The following ABCC5 variants were observed in gnomAD, a reference collection of about 807,000 sequenced individuals.
ABCC5 encodes ATP-binding cassette sub-family C member 5.
Under a neutral mutation model 160.9 loss-of-function variants are expected in ABCC5, and 61 were observed. That is an observed-to-expected ratio of 0.38 (90% CI 0.31 to 0.47). The LOEUF (loss-of-function observed/expected upper bound fraction) is 0.47. ABCC5 is among the 20% of genes least tolerant of loss of function. ABCC5 has a pLI of 0.99. For synonymous variants in ABCC5, 666 were observed against 700.6 expected, an observed-to-expected ratio of 0.95 and a Z score of 0.78; for missense variants, 1,308 against 1,813.3, an observed-to-expected ratio of 0.72 and a Z score of 5.06.
chr3:183,972,770 A>C (rs1168212495), intron 10 of ABCC5, among the ~76,000 whole-genome samples: 1 of 151,960 alleles, frequency 6.6e-6, no homozygotes. Context: ...TCAGCCTCCC[A>C]AGTAGCTGAA....
rs1265378638 is a variant in ABCC5, at chr3:183,987,517, T to G, written c.591+253A>C. On this transcript the variant is annotated intron_variant, in intron 5 of 29. Coordinates refer to ENST00000334444, the MANE Select transcript of ABCC5 (RefSeq NM_005688.4). This position sits in a 1 kb window ranked among gnomAD's most constrained non-coding sequence, Gnocchi z 4.2. Reference sequence around the variant, plus strand: ...CACACAACCGAGAAGCACAGTCCTGTGCAGAACTGGAGTCAGTTCCATTTC... The same window carrying G: ...CACACAACCGAGAAGCACAGTCCTGGGCAGAACTGGAGTCAGTTCCATTTC... 4.8e-6 allele frequency: 3 copies of G among 619,750 alleles called. No homozygotes were observed. Among genetic ancestry groups the G allele is most frequent in the Non-Finnish European group, 8.6e-6 (3 of 347,386 alleles). The allele number at this position is 619,750 out of a possible 1,614,324, so 38.4% of individuals were successfully genotyped here. A position where few individuals can be genotyped will look rare whatever the true frequency, so the allele number is the denominator to read the frequency against.
rs140209547 is a variant in ABCC5 at position 183,974,603 on chromosome 3, C to T, written c.1405-2684G>A. ...GGATTACAGGCGTGAGCCACCATGC[C>T]GGGCCCCCGTTAAATTTAATTCCAG... On this transcript the variant is annotated intron_variant, in intron 10 of 29. Coordinates refer to ENST00000334444, the MANE Select transcript of ABCC5 (RefSeq NM_005688.4). Among the ~76,000 whole-genome samples, 774 of 152,308 alleles carry T rather than the reference C, an allele frequency of 5.1e-3. 11 individuals are homozygous for T. The highest frequency in any genetic ancestry group is 0.017 in the African/African-American group (718 of 41,570).
intron 2 of ABCC5, among the ~76,000 whole-genome samples, chr3:184,007,443 C>T (rs1721319573): frequency 6.6e-6 from 1 of 152,126 alleles, no homozygotes; most frequent in South Asian, 2.1e-4. Context: ...TAAAATAAAG[C>T]TCATAAAAGC....
chr3:183,959,901 C>T, intron 16 of ABCC5, 66 bp from the exon 17 acceptor site: 1 of 1,137,034 alleles, frequency 8.8e-7, no homozygotes, highest in Non-Finnish European at 1.3e-6. Context: ...CCACAGGATA[C>T]ATATTAGGGA....
intron 28 of ABCC5, 139 bp from the exon 29 acceptor site, chr3:183,925,858 A>C: frequency 1.3e-6 from 1 of 773,194 alleles, no homozygotes; most frequent in African/African-American, 2.7e-5. Context: ...TTTTTTTTTG[A>C]GACGGAGTCT....
Position 183,987,663 on chromosome 3 carries a change from T to G in ABCC5, c.591+107A>C. Reference sequence around the variant, plus strand: ...ACAGACCTGAAGGCATCTCTAAGACTGCTACCTAGCCCAAAGCTGAGCACA... The same window carrying G: ...ACAGACCTGAAGGCATCTCTAAGACGGCTACCTAGCCCAAAGCTGAGCACA... On this transcript the variant is annotated intron_variant, in intron 5 of 29. Coordinates refer to ENST00000334444, the MANE Select transcript of ABCC5 (RefSeq NM_005688.4). The surrounding 1 kb of genome is among the most constrained non-coding windows in gnomAD (Gnocchi z 4.2). 3 of 1,508,250 alleles carry G rather than the reference T, an allele frequency of 2.0e-6. No homozygotes were observed. The highest frequency in any genetic ancestry group is 4.8e-5 in the East Asian group (2 of 41,752). 93.4% of individuals were successfully genotyped at this position (1,508,250 alleles called of 1,614,324 possible).
chr3:183,968,797 G>A (rs564298154), intron 11 of ABCC5, among the ~76,000 whole-genome samples: 57 of 152,250 alleles, frequency 3.7e-4, no homozygotes, highest in Middle Eastern at 6.8e-3. Context: ...GAGGCAGATG[G>A]GTCTTTATCT....
intron 12 of ABCC5, among the ~76,000 whole-genome samples, chr3:183,965,927 A>G (rs990973060): frequency 2.6e-5 from 4 of 152,104 alleles, no homozygotes; most frequent in African/African-American, 9.7e-5. Flanking sequence ...TGCTTCTATG[A>G]AATGAGGACC....
At chr3:183,928,893 G>T in intron 26 of ABCC5, 68 bp from the exon 27 acceptor site, 3 of 1,350,546 alleles carry the variant, frequency 2.2e-6, no homozygotes, top group African/African-American at 1.4e-5. Context: ...GGCTGTCTGT[G>T]GAAGATGTTT....
intron 5 of ABCC5, chr3:183,984,370 CACCCTTCT>C (rs1719011612): frequency 2.0e-6 from 2 of 986,462 alleles, no homozygotes; most frequent in South Asian, 9.4e-5. Context: ...GAAGCCCATC[CACCCTTCT>C]ACCCAGGTGC....
At chr3:183,972,558 G>C (rs1717856058) in intron 10 of ABCC5, among the ~76,000 whole-genome samples, 2 of 152,118 alleles carry the variant, frequency 1.3e-5, no homozygotes, top group Non-Finnish European at 1.5e-5. Flanking sequence ...GGAAGTGAAG[G>C]GTATCTCCCT....
At chr3:183,985,272 A>G in intron 5 of ABCC5, 1 of 1,573,654 alleles carries the variant, frequency 6.4e-7, no homozygotes, top group African/African-American at 1.3e-5. Flanking sequence ...CTGGCTGTGG[A>G]AAGCATTCCC....
Position 184,008,862 on chromosome 3 carries a change from A to C in ABCC5, c.129+5402T>G, listed in dbSNP as rs181564169. ...CACCATTTCTTTTCTTTCTTTCTTT[A>C]TTTTTTTTTGGTGAGACAGGGTCTC... is the stretch of plus-strand genomic sequence containing the variant. On this transcript the variant is annotated intron_variant, in intron 2 of 29. Transcript: ENST00000334444. Among the ~76,000 whole-genome samples, 1,487 of 150,632 alleles carry C rather than the reference A, an allele frequency of 9.9e-3. 26 individuals carry two copies. The highest frequency in any genetic ancestry group is 0.034 in the African/African-American group (1,384 of 41,120).
intron 2 of ABCC5, among the ~76,000 whole-genome samples, chr3:184,000,406 C>T (rs761073988): frequency 2.6e-5 from 4 of 151,966 alleles, no homozygotes; most frequent in South Asian, 2.1e-4. Context: ...TAATATATTT[C>T]GAGTAGTGGA....
chr3:184,010,266 CAAAAAAAAAA>C (rs10541470), intron 2 of ABCC5, among the ~76,000 whole-genome samples: 67 of 74,462 alleles, frequency 9.0e-4, no homozygotes, highest in Non-Finnish European at 1.2e-3. Flanking sequence ...GACTTCGTCT[CAAAAAAAAAA>C]AAAAAAAAAA....
At position 183,987,446 on chromosome 3, in the gene ABCC5, G is replaced by A. The variant is rs545253902; in HGVS notation, c.591+324C>T. Reference sequence around the variant, plus strand: ...CACAACGTGCTCTCACCCACTCATAGCACTGCAAGACACATCTGCCTGCAC... The same window carrying A: ...CACAACGTGCTCTCACCCACTCATAACACTGCAAGACACATCTGCCTGCAC... On this transcript the variant is annotated intron_variant, in intron 5 of 29. Coordinates refer to ENST00000334444, the MANE Select transcript of ABCC5 (RefSeq NM_005688.4). The surrounding 1 kb of genome is among the most constrained non-coding windows in gnomAD (Gnocchi z 4.2). The A allele has an allele frequency of 6.4e-5, 37 of 577,980 alleles. No individual in the cohort carries two copies. In the Admixed American group the frequency reaches 1.0e-3, roughly 16 times the overall value. The allele number at this position is 577,980 out of a possible 1,614,324, so 35.8% of individuals were successfully genotyped here.
rs924550051 is a variant in ABCC5, at chr3:183,963,639, C to T, written c.2032-51G>A. ...AGCCTCCAGCGCAAGTCCAGAACAGCGTGGAGGGGTCACCCAGTCACTTCT... is the reference window on the plus strand; with the variant it reads ...AGCCTCCAGCGCAAGTCCAGAACAGTGTGGAGGGGTCACCCAGTCACTTCT... On this transcript the variant is annotated intron_variant, in intron 14 of 29. Coordinates refer to ENST00000334444, the MANE Select transcript of ABCC5 (RefSeq NM_005688.4). The surrounding 1 kb of genome is among the most constrained non-coding windows in gnomAD (Gnocchi z 4.6). The T allele has an allele frequency of 3.2e-6, 5 of 1,576,322 alleles. No homozygotes were observed. Among genetic ancestry groups the T allele is most frequent in the Admixed American group, 3.4e-5 (2 of 58,704 alleles).
At position 184,017,648 on chromosome 3, in the gene ABCC5, C is replaced by A. The variant is rs1460949971; in HGVS notation, c.-56+182G>T. Among the ~76,000 whole-genome samples the A allele has an allele frequency of 6.6e-6, 1 of 152,192 alleles. No individual in the cohort carries two copies. Among genetic ancestry groups the A allele is most frequent in the South Asian group, 2.1e-4 (1 of 4,832 alleles). On this transcript the variant is annotated intron_variant, in intron 1 of 29. Coordinates refer to ENST00000334444, the MANE Select transcript of ABCC5 (RefSeq NM_005688.4). This position sits in a 1 kb window ranked among gnomAD's most constrained non-coding sequence, Gnocchi z 4.5. The stretch of plus-strand genomic sequence containing the variant: ...ACCCCGTCACCAGACCCCGGGCTCA[C>A]AGGCCTAGGAGGCGGCGGCAGGAGA...
At chr3:183,938,381 C>T (rs532626293) in intron 25 of ABCC5, among the ~76,000 whole-genome samples, 10 of 152,214 alleles carry the variant, frequency 6.6e-5, no homozygotes, top group Admixed American at 3.3e-4. Context: ...TCACTGCAAC[C>T]TCTGCCTCCT....
Sources: gnomAD v4.1 joint callset for allele counts (sites outside exome capture counted in the v4.1 genomes callset) on GRCh38, gnomAD v4.1.1 for gene constraint, Gnocchi (gnomAD v3.1) non-coding constraint, MANE v1.5 for transcripts, NCBI Gene and HGNC (gene_info 2026-07-23, HGNC 2026-07-21) for gene names.